Variants in ADAMTSL1 observed in about 807,000 individuals in gnomAD.
ADAMTSL1 encodes ADAMTS like 1.
ADAMTSL1 carries 126 observed loss-of-function variants against 201.8 expected under a neutral mutation model. The observed-to-expected ratio is 0.62, with a 90% CI of 0.54 to 0.72. The LOEUF (loss-of-function observed/expected upper bound fraction) is 0.72. ADAMTSL1 is among the 30% of genes least tolerant of loss of function. ADAMTSL1 has a pLI of 0.00. For synonymous variants in ADAMTSL1, 1,121 were observed against 903.4 expected, an observed-to-expected ratio of 1.24 and a Z score of -4.32; for missense variants, 2,679 against 2,277.8, an observed-to-expected ratio of 1.18 and a Z score of -3.59.
chr9:18,902,599 G>C (rs1830073233), intron 26 of ADAMTSL1, among the ~76,000 whole-genome samples: 2 of 152,202 alleles, frequency 1.3e-5, no homozygotes, highest in African/African-American at 2.4e-5. Context: ...GGAGCACAGA[G>C]AAAATAGTGC....
chr9:18,024,576 T>C (rs1820615995), intron 1 of ADAMTSL1, among the ~76,000 whole-genome samples: 1 of 152,188 alleles, frequency 6.6e-6, no homozygotes, highest in Admixed American at 6.6e-5. Flanking sequence ...ACCATCCATG[T>C]TGCTGCAAAG....
intron 2 of ADAMTSL1, among the ~76,000 whole-genome samples, chr9:18,411,646 C>A (rs1179756995): frequency 6.6e-6 from 1 of 152,152 alleles, no homozygotes; most frequent in Non-Finnish European, 1.5e-5. Flanking sequence ...AATGTTATCA[C>A]CCAGCCTTAA....
chr9:18,021,918 G>A (rs1820494429), intron 1 of ADAMTSL1, among the ~76,000 whole-genome samples: 1 of 152,104 alleles, frequency 6.6e-6, no homozygotes, highest in Non-Finnish European at 1.5e-5. Context: ...GGTCAGAGGT[G>A]GCTATTGGGG....
At chr9:18,477,357 G>T (rs1249965903) in intron 1 of ADAMTSL1, among the ~76,000 whole-genome samples, 1 of 152,190 alleles carries the variant, frequency 6.6e-6, no homozygotes, top group Non-Finnish European at 1.5e-5. Context: ...TAAAGTACAT[G>T]TGTTTTCCTG....
intron 3 of ADAMTSL1, among the ~76,000 whole-genome samples, chr9:18,556,972 C>T (rs982003082): frequency 6.6e-6 from 1 of 152,014 alleles, no homozygotes; most frequent in Non-Finnish European, 1.5e-5. Context: ...ATACCATTAA[C>T]CATGAACTTG....
At chr9:17,980,622 G>T (rs1297827375) in intron 1 of ADAMTSL1, among the ~76,000 whole-genome samples, 1 of 151,950 alleles carries the variant, frequency 6.6e-6, no homozygotes, top group Non-Finnish European at 1.5e-5. Flanking sequence ...TGGGGTTTTT[G>T]GGGGGCAATT....
intron 1 of ADAMTSL1, among the ~76,000 whole-genome samples, chr9:18,133,302 A>C (rs1410927410): frequency 6.6e-6 from 1 of 152,088 alleles, no homozygotes; most frequent in Non-Finnish European, 1.5e-5. Flanking sequence ...GTGAGGGGTC[A>C]CCTCAGCCAG....
At chr9:18,005,143 A>G (rs1471463128) in intron 1 of ADAMTSL1, among the ~76,000 whole-genome samples, 3 of 152,214 alleles carry the variant, frequency 2.0e-5, no homozygotes, top group Non-Finnish European at 4.4e-5. Flanking sequence ...GAGTTTATAG[A>G]ATATCATGGA....
chr9:18,187,023 C>T (rs1004795640), intron 2 of ADAMTSL1, among the ~76,000 whole-genome samples: 3 of 152,144 alleles, frequency 2.0e-5, no homozygotes, highest in Non-Finnish European at 4.4e-5. Context: ...AAAGATAGCA[C>T]TAGTGGAAGT....
At chr9:17,929,671 G>T (rs535278453) in intron 1 of ADAMTSL1, among the ~76,000 whole-genome samples, 1 of 152,090 alleles carries the variant, frequency 6.6e-6, no homozygotes, top group African/African-American at 2.4e-5. Context: ...TTGCCTGGAG[G>T]TCTCTTTCCT....
At chr9:18,114,146 G>A (rs1587081477) in intron 1 of ADAMTSL1, among the ~76,000 whole-genome samples, 1 of 152,110 alleles carries the variant, frequency 6.6e-6, no homozygotes, top group Non-Finnish European at 1.5e-5. Flanking sequence ...GAGAGATCAA[G>A]TAACAGGAAG....
chr9:18,458,083 A>G (rs577996730), intron 2 of ADAMTSL1, among the ~76,000 whole-genome samples: 38 of 152,284 alleles, frequency 2.5e-4, no homozygotes, highest in African/African-American at 9.1e-4. Flanking sequence ...TTCCATTCAT[A>G]CCCTACTCCT....
chr9:18,025,851 C>G (rs1452358887), intron 1 of ADAMTSL1, among the ~76,000 whole-genome samples: 1 of 151,994 alleles, frequency 6.6e-6, no homozygotes, highest in Non-Finnish European at 1.5e-5. Context: ...GTTAGTATGA[C>G]TATTTTAACA....
At chr9:18,658,371 A>G (rs1170296516) in intron 8 of ADAMTSL1, among the ~76,000 whole-genome samples, 1 of 152,226 alleles carries the variant, frequency 6.6e-6, no homozygotes, top group Non-Finnish European at 1.5e-5. Flanking sequence ...AGGCAGGTCC[A>G]TTCACTTACA....
At chr9:18,080,873 G>GA (rs1223874690) in intron 1 of ADAMTSL1, among the ~76,000 whole-genome samples, 1 of 151,988 alleles carries the variant, frequency 6.6e-6, no homozygotes, top group African/African-American at 2.4e-5. Flanking sequence ...TATATTTTTA[G>GA]AAAAAGCCTC....
intron 2 of ADAMTSL1, among the ~76,000 whole-genome samples, chr9:18,414,863 G>A (rs938702684): frequency 1.3e-5 from 2 of 152,190 alleles, no homozygotes; most frequent in African/African-American, 4.8e-5. Flanking sequence ...AAAAGGATTA[G>A]AGAGAGGAAT....
chr9:18,868,123 G>C (rs1827657011), intron 23 of ADAMTSL1, among the ~76,000 whole-genome samples: 1 of 152,042 alleles, frequency 6.6e-6, no homozygotes, highest in South Asian at 2.1e-4. Context: ...ATCCTATCCA[G>C]TGAATTTTTT....
intron 1 of ADAMTSL1, among the ~76,000 whole-genome samples, chr9:18,047,365 G>C (rs910691134): frequency 1.3e-5 from 2 of 152,152 alleles, no homozygotes; most frequent in African/African-American, 4.8e-5. Flanking sequence ...GGGAGATGTT[G>C]TTGGCATTTA....
chr9:18,460,736 A>G (rs1002309538), intron 2 of ADAMTSL1, among the ~76,000 whole-genome samples: 2 of 152,172 alleles, frequency 1.3e-5, no homozygotes, highest in African/African-American at 4.8e-5. Context: ...GCATTGAGTT[A>G]CCCATGAGAA....
Sources: allele counts gnomAD v4.1 joint callset (sites outside exome capture counted in the v4.1 genomes callset), GRCh38; gene constraint gnomAD v4.1.1; transcripts MANE v1.5; gene names NCBI Gene and HGNC (gene_info 2026-07-23, HGNC 2026-07-21).